The following RAB38 variants were observed in gnomAD, a reference collection of about 807,000 sequenced individuals.
The protein encoded by RAB38 is ras-related protein Rab-38.
In RAB38, 15 loss-of-function variants were observed where a neutral mutation model predicts 18.4. The observed-to-expected ratio is 0.82, with a 90% CI of 0.55 to 1.26. The LOEUF is 1.26. RAB38 is among the 50% of genes most tolerant of loss of function. RAB38 has a pLI of 0.00. For missense variants in RAB38, 294 were observed against 267.4 expected, an observed-to-expected ratio of 1.10 and a Z score of -0.69; for synonymous variants, 101 against 104.4, an observed-to-expected ratio of 0.97 and a Z score of 0.20.
chr11:87,857,891 G>T, the RAB38 span, among the ~76,000 whole-genome samples: 4 of 152,052 alleles, frequency 2.6e-5, no homozygotes, highest in Non-Finnish European at 5.9e-5. Flanking sequence ...GTCAATTTTG[G>T]CTTTTGTTGC....
chr11:87,860,533 G>A, the RAB38 span, among the ~76,000 whole-genome samples: 32 of 151,916 alleles, frequency 2.1e-4, no homozygotes, highest in African/African-American at 7.5e-4. Flanking sequence ...TTGCGAATAC[G>A]TTTTTATTGT....
chr11:87,885,047 G>T, the RAB38 span, among the ~76,000 whole-genome samples: 3 of 151,952 alleles, frequency 2.0e-5, no homozygotes, highest in African/African-American at 7.2e-5. Flanking sequence ...CAAATCATCT[G>T]CAGGCAAGTG....
At chr11:88,005,547 C>CT in the RAB38 span, among the ~76,000 whole-genome samples, 2 of 150,800 alleles carry the variant, frequency 1.3e-5, no homozygotes, top group African/African-American at 4.9e-5. Context: ...TGTTGGTTGT[C>CT]TCTTTGCTCT....
At chr11:88,128,959 A>C (rs2134791855) in intron 2 of RAB38, among the ~76,000 whole-genome samples, 1 of 152,336 alleles carries the variant, frequency 6.6e-6, no homozygotes, top group East Asian at 1.9e-4. Context: ...CAAACCTGGC[A>C]TGGCTCAATG....
the RAB38 span, among the ~76,000 whole-genome samples, chr11:87,881,676 A>T: frequency 0.16 from 24,934 of 151,822 alleles, 3,366 homozygotes; most frequent in African/African-American, 0.37. Flanking sequence ...GGTTTGTCTA[A>T]TATGAGCTTC....
At chr11:87,973,487 A>G in the RAB38 span, among the ~76,000 whole-genome samples, 2 of 151,968 alleles carry the variant, frequency 1.3e-5, no homozygotes, top group South Asian at 2.1e-4. Flanking sequence ...ACATGTGCCA[A>G]TGTTCTAGGT....
At chr11:88,082,517 C>T in the RAB38 span, among the ~76,000 whole-genome samples, 10 of 151,670 alleles carry the variant, frequency 6.6e-5, no homozygotes, top group African/African-American at 2.2e-4. Context: ...AAACAAACGC[C>T]TAATCTTCTC....
At chr11:88,041,805 C>T in the RAB38 span, among the ~76,000 whole-genome samples, 1 of 152,130 alleles carries the variant, frequency 6.6e-6, no homozygotes, top group Non-Finnish European at 1.5e-5. Flanking sequence ...GACTTGCATA[C>T]CACTGCTGAC....
the RAB38 span, chr11:87,816,078 T>C: frequency 1.3e-5 from 2 of 152,170 alleles, no homozygotes; most frequent in Non-Finnish European, 2.9e-5. Flanking sequence ...CATGTAGAGA[T>C]GTTAGATGGT....
the RAB38 span, among the ~76,000 whole-genome samples, chr11:88,024,284 G>A: frequency 3.9e-5 from 6 of 152,078 alleles, no homozygotes; most frequent in African/African-American, 1.4e-4. Flanking sequence ...ATATGAAAAG[G>A]TGCTCAACAT....
At chr11:88,169,486 T>C (rs1412949154) in intron 1 of RAB38, among the ~76,000 whole-genome samples, 1 of 152,182 alleles carries the variant, frequency 6.6e-6, no homozygotes, top group Non-Finnish European at 1.5e-5. Context: ...GTAGAGGAGA[T>C]GTTCAGCAGG....
the RAB38 span, among the ~76,000 whole-genome samples, chr11:87,830,292 C>T: frequency 2.0e-5 from 3 of 151,932 alleles, no homozygotes; most frequent in Non-Finnish European, 2.9e-5. Context: ...CCAGTCTGGG[C>T]AACATAGTGT....
the RAB38 span, among the ~76,000 whole-genome samples, chr11:88,095,837 T>C: frequency 3.3e-5 from 5 of 151,866 alleles, no homozygotes; most frequent in African/African-American, 1.2e-4. Context: ...ACAAAAACTT[T>C]GGATTGCCCT....
At position 88,149,935 on chromosome 11, in the gene RAB38, T is replaced by C. The variant is rs765888915; in HGVS notation, c.223A>G (p.Met75Val). 43 of 1,611,590 alleles carry C rather than the reference T, an allele frequency of 2.7e-5. No individual in the cohort carries two copies. The highest frequency in any genetic ancestry group is 3.1e-5 in the Non-Finnish European group (36 of 1,178,814). ...GCTTCTCGGTAATAGACCCTCGTCA[T>C]GTTTCCAAATCTTTCTTGACCTGAC... ...DIAGQERFGN[M>V]TRVYYREAMG... Residue 75 changes from methionine to valine, a missense_variant, in exon 2 of 3, where the codon ATG becomes GTG. Transcript: ENST00000243662.
the RAB38 span, among the ~76,000 whole-genome samples, chr11:87,886,924 C>T: frequency 1.3e-5 from 2 of 149,710 alleles, no homozygotes; most frequent in Admixed American, 6.7e-5. Flanking sequence ...AAGGTTATAT[C>T]TGTCACTCAA....
At chr11:88,161,888 C>T (rs890522) in intron 1 of RAB38, among the ~76,000 whole-genome samples, 37,417 of 151,920 alleles carry the variant, frequency 0.25, 4,656 homozygotes, top group Admixed American at 0.27. Flanking sequence ...GTTGGGGTCA[C>T]AGAACCATCA....
the RAB38 span, among the ~76,000 whole-genome samples, chr11:88,096,946 T>TA: frequency 4.0e-5 from 6 of 149,014 alleles, no homozygotes; most frequent in Non-Finnish European, 7.4e-5. Flanking sequence ...TTTTGTAAAA[T>TA]AAAAAAACAC....
chr11:88,108,109 G>A, the RAB38 span, among the ~76,000 whole-genome samples: 4 of 152,268 alleles, frequency 2.6e-5, no homozygotes, highest in South Asian at 8.3e-4. Flanking sequence ...GATTTGGGGT[G>A]GAGAGTTCTC....
At chr11:87,869,209 C>A in the RAB38 span, among the ~76,000 whole-genome samples, 3 of 151,682 alleles carry the variant, frequency 2.0e-5, no homozygotes, top group Non-Finnish European at 4.4e-5. Context: ...TCTCATCAAC[C>A]AAATCACAAG....
Sources: allele counts gnomAD v4.1 joint callset (sites outside exome capture counted in the v4.1 genomes callset), GRCh38; gene constraint gnomAD v4.1.1; transcripts MANE v1.5; gene names NCBI Gene and HGNC (gene_info 2026-07-23, HGNC 2026-07-21).